The following NRXN3 variants were observed in gnomAD, a reference collection of about 807,000 sequenced individuals.
NRXN3 encodes the protein neurexin 3.
A neutral mutation model predicts 137.6 loss-of-function variants in NRXN3; 32 were observed. That is an observed-to-expected ratio of 0.23 (90% CI 0.18 to 0.31). NRXN3 has a LOEUF of 0.31. Among genes scored for constraint, NRXN3 ranks in the 10% least tolerant of loss-of-function variants. NRXN3 has a pLI of 1.00. For synonymous variants in NRXN3, 798 were observed against 784.5 expected (o/e 1.02, Z -0.29); for missense variants, 1,574 against 2,062.5 (o/e 0.76, Z 4.59).
chr14:78,609,629 G>C (rs1357929045), intron 4 of NRXN3, among the ~76,000 whole-genome samples: 1 of 152,186 alleles, frequency 6.6e-6, no homozygotes, highest in Non-Finnish European at 1.5e-5. Flanking sequence ...ATTCTCATCT[G>C]TTGAATGGGG....
intron 4 of NRXN3, among the ~76,000 whole-genome samples, chr14:78,594,698 C>T (rs980463963): frequency 8.5e-5 from 13 of 152,142 alleles, no homozygotes; most frequent in African/African-American, 3.1e-4. Context: ...ATGTCCGCTA[C>T]GAAGGATGGA....
intron 15 of NRXN3, among the ~76,000 whole-genome samples, chr14:79,380,375 G>A (rs2094437113): frequency 6.8e-6 from 1 of 147,174 alleles, no homozygotes; most frequent in African/African-American, 2.5e-5. Flanking sequence ...AGTTCCCAGA[G>A]TGTGATGTTC....
intron 10 of NRXN3, among the ~76,000 whole-genome samples, chr14:78,832,265 T>C (rs1390009612): frequency 6.6e-6 from 1 of 152,210 alleles, no homozygotes; most frequent in African/African-American, 2.4e-5. Flanking sequence ...GCCTAAGATG[T>C]TGATACAATC....
chr14:79,423,729 T>C (rs1219591843), intron 15 of NRXN3, among the ~76,000 whole-genome samples: 1 of 152,228 alleles, frequency 6.6e-6, no homozygotes, highest in Non-Finnish European at 1.5e-5. Flanking sequence ...ATTCATCTCA[T>C]AATAAATTGC....
At chr14:78,533,969 T>C (rs376439140) in intron 4 of NRXN3, among the ~76,000 whole-genome samples, 1 of 152,244 alleles carries the variant, frequency 6.6e-6, no homozygotes, top group Non-Finnish European at 1.5e-5. Context: ...TTAAGTTTAA[T>C]GTATTTATGA....
At chr14:78,928,828 T>G (rs1404328001) in intron 10 of NRXN3, among the ~76,000 whole-genome samples, 7 of 152,302 alleles carry the variant, frequency 4.6e-5, no homozygotes, top group Admixed American at 2.0e-4. Context: ...GTAATGGGAT[T>G]GCTGGGTCAA....
At chr14:79,332,667 C>T (rs1458227321) in intron 15 of NRXN3, among the ~76,000 whole-genome samples, 2 of 152,182 alleles carry the variant, frequency 1.3e-5, no homozygotes, top group African/African-American at 4.8e-5. Context: ...GCGCTGGATA[C>T]TCTGAGTCAT....
rs138290638 is a variant in NRXN3, at chr14:78,275,764, C to G, written c.710-2881C>G. ...GCTCAAGTGGGAGTGGGGGTCACCT[C>G]TAGCAAACCACGTGGGCTAAGGCTG... On this transcript the variant is annotated intron_variant, in intron 2 of 20. Transcript: ENST00000335750. Among the ~76,000 whole-genome samples, 916 of 152,264 alleles carry G rather than the reference C, an allele frequency of 6.0e-3. 9 individuals are homozygous for G. The highest frequency in any genetic ancestry group is 0.021 in the African/African-American group (891 of 41,548).
intron 2 of NRXN3, among the ~76,000 whole-genome samples, chr14:78,262,841 G>A (rs529130295): frequency 2.0e-5 from 3 of 152,092 alleles, no homozygotes; most frequent in Non-Finnish European, 2.9e-5. Flanking sequence ...TTTTAGGCTA[G>A]CATCTATTGA....
intron 8 of NRXN3, among the ~76,000 whole-genome samples, chr14:78,794,511 G>A (rs1266494093): frequency 1.3e-5 from 2 of 152,028 alleles, no homozygotes; most frequent in Non-Finnish European, 2.9e-5. Flanking sequence ...TTGAAATTCG[G>A]AGTTTTTTCT....
At chr14:79,599,875 A>G (rs2097904152) in intron 16 of NRXN3, among the ~76,000 whole-genome samples, 1 of 152,198 alleles carries the variant, frequency 6.6e-6, no homozygotes, top group Non-Finnish European at 1.5e-5. Context: ...CACGCCTGTA[A>G]TCCCAGCTGT....
intron 4 of NRXN3, among the ~76,000 whole-genome samples, chr14:78,387,321 T>C (rs1567441723): frequency 6.6e-6 from 1 of 152,180 alleles, no homozygotes; most frequent in Admixed American, 6.5e-5. Context: ...TTTTGAGTTA[T>C]GCTGGGAACC....
intron 15 of NRXN3, among the ~76,000 whole-genome samples, chr14:79,220,141 T>C (rs963250863): frequency 5.9e-5 from 9 of 152,222 alleles, no homozygotes; most frequent in African/African-American, 1.9e-4. Flanking sequence ...TTCACATCTG[T>C]AAACTGAGAT....
intron 17 of NRXN3, chr14:79,669,155 C>T (rs543134714): frequency 1.5e-4 from 23 of 152,196 alleles, no homozygotes; most frequent in African/African-American, 4.8e-4. Context: ...CTCATTCATC[C>T]GTTCAGGACT....
At chr14:79,275,318 G>GAA (rs141471525) in intron 15 of NRXN3, among the ~76,000 whole-genome samples, 20 of 149,772 alleles carry the variant, frequency 1.3e-4, no homozygotes, top group African/African-American at 3.9e-4. Context: ...TTCATATTTG[G>GAA]AAAAAAAAAG....
chr14:78,874,210 G>A (rs139128800), intron 10 of NRXN3, among the ~76,000 whole-genome samples: 286 of 152,228 alleles, frequency 1.9e-3, no homozygotes, highest in African/African-American at 6.4e-3. Flanking sequence ...GACCTCAAGT[G>A]ATCCACTTGC....
At chr14:78,652,938 T>C (rs537017679) in intron 6 of NRXN3, among the ~76,000 whole-genome samples, 38 of 152,342 alleles carry the variant, frequency 2.5e-4, no homozygotes, top group African/African-American at 9.1e-4. Flanking sequence ...TGGCACATAC[T>C]AAATGCTCTA....
intron 15 of NRXN3, among the ~76,000 whole-genome samples, chr14:79,159,339 A>T (rs1176169721): frequency 1.3e-5 from 2 of 151,740 alleles, no homozygotes; most frequent in Non-Finnish European, 2.9e-5. Flanking sequence ...CTTGTTTAAA[A>T]TTTTCATTTA....
At chr14:79,022,434 A>G (rs1338532487) in intron 15 of NRXN3, among the ~76,000 whole-genome samples, 2 of 152,114 alleles carry the variant, frequency 1.3e-5, no homozygotes, top group Non-Finnish European at 2.9e-5. Flanking sequence ...TTTGTCTTCT[A>G]AGGTTTTATA....
Sources: allele counts gnomAD v4.1 joint callset (sites outside exome capture counted in the v4.1 genomes callset), GRCh38; gene constraint gnomAD v4.1.1; transcripts MANE v1.5; gene names NCBI Gene and HGNC (gene_info 2026-07-23, HGNC 2026-07-21).